EPN2: variants seen among roughly 807,000 people sequenced by gnomAD.
EPN2 encodes epsin 2.
In EPN2, 34 loss-of-function variants were observed where a neutral mutation model predicts 61.7. The ratio of observed to expected loss-of-function variants is 0.55; its 90% CI spans 0.42 to 0.73. The LOEUF is 0.73. Among genes scored for constraint, EPN2 ranks in the 30% least tolerant of loss-of-function variants. EPN2 has a pLI of 0.00. For missense variants in EPN2, 714 were observed against 839.2 expected, an observed-to-expected ratio of 0.85 and a Z score of 1.84; for synonymous variants, 349 against 353.6, an observed-to-expected ratio of 0.99 and a Z score of 0.15.
chr17:19,242,964 G>A (rs112761205), intron 1 of EPN2, among the ~76,000 whole-genome samples: 1 of 152,180 alleles, frequency 6.6e-6, no homozygotes, highest in Non-Finnish European at 1.5e-5. Context: ...GGCTTCAAAG[G>A]CCATGTGGCA....
chr17:19,318,566 A>AAAGAG (rs1187317882), intron 7 of EPN2, among the ~76,000 whole-genome samples: 1 of 148,604 alleles, frequency 6.7e-6, no homozygotes, highest in Non-Finnish European at 1.5e-5. Flanking sequence ...AAAAAAAAAA[A>AAAGAG]AGAGTAGGGG....
chr17:19,328,286 G>C (rs1213053137), intron 7 of EPN2, among the ~76,000 whole-genome samples: 1 of 152,166 alleles, frequency 6.6e-6, no homozygotes, highest in East Asian at 1.9e-4. Context: ...TACAGAGCCT[G>C]GGCCGAGGTG....
intron 4 of EPN2, among the ~76,000 whole-genome samples, chr17:19,286,054 A>G (rs1354095720): frequency 5.9e-5 from 9 of 152,304 alleles, no homozygotes; most frequent in Non-Finnish European, 4.4e-5. Context: ...GCATGGGGTG[A>G]TGGCCCATGC....
chr17:19,259,197 A>G (rs761817394), intron 1 of EPN2, among the ~76,000 whole-genome samples: 1 of 151,924 alleles, frequency 6.6e-6, no homozygotes, highest in Non-Finnish European at 1.5e-5. Context: ...TTTGGAATCC[A>G]TTAGCTTCAG....
In EPN2 at chr17:19,278,304, A is replaced by G. The variant is rs554204945; in HGVS notation, c.-293-3651A>G. Reference sequence around the variant, plus strand: ...GTGAGGTGTATTAGTCTGTTTTCACACTACTGATAAAGACATACCCGAGAC... The same window carrying G: ...GTGAGGTGTATTAGTCTGTTTTCACGCTACTGATAAAGACATACCCGAGAC... On this transcript the variant is annotated intron_variant, in intron 1 of 10. Coordinates refer to ENST00000314728, the MANE Select transcript of EPN2 (RefSeq NM_014964.5). Among the ~76,000 whole-genome samples the G allele has an allele frequency of 4.2e-4, 64 of 152,206 alleles. 2 individuals are homozygous for G. The South Asian group carries it at 0.012, about 29-fold the overall frequency.
rs1021213420 is a variant in EPN2 at position 19,328,740 on chromosome 17, T to G, written c.1177T>G (p.Trp393Gly). 6.2e-7 allele frequency: 1 copy of G among 1,612,360 alleles called. No homozygotes were observed. The highest frequency in any genetic ancestry group is 1.3e-5 in the African/African-American group (1 of 75,014). ...CAAGCCAGCTGCCTCCATTGACCCA[T>G]GGGGGGTGCCCACTGGAGCCACCGT... ...GTKPAASIDP[W>G]GVPTGATVQS... Residue 393 changes from tryptophan (W) to glycine (G), a missense_variant, in exon 8 of 11, where the codon TGG becomes GGG. Trp to Gly is a radical substitution (Grantham distance 184, BLOSUM62 -2). Transcript: ENST00000314728.
chr17:19,326,553 G>C (rs1883995631), intron 7 of EPN2, among the ~76,000 whole-genome samples: 1 of 152,038 alleles, frequency 6.6e-6, no homozygotes, highest in African/African-American at 2.4e-5. Context: ...TGGGTGTGGT[G>C]GTGGGTGCCT....
intron 1 of EPN2, among the ~76,000 whole-genome samples, chr17:19,246,568 G>C (rs755985226): frequency 2.0e-4 from 31 of 152,100 alleles, no homozygotes; most frequent in Non-Finnish European, 3.5e-4. Context: ...CCCTGCACTT[G>C]TGGGAGGCCC....
chr17:19,262,770 A>G (rs1457477383), intron 1 of EPN2, among the ~76,000 whole-genome samples: 2 of 152,222 alleles, frequency 1.3e-5, no homozygotes, highest in African/African-American at 4.8e-5. Flanking sequence ...GCCCCTGGCA[A>G]CTATCAGTCT....
At chr17:19,304,823 C>T (rs1905746661) in intron 4 of EPN2, among the ~76,000 whole-genome samples, 2 of 152,190 alleles carry the variant, frequency 1.3e-5, no homozygotes, top group African/African-American at 4.8e-5. Flanking sequence ...TCTGGTCTTC[C>T]CTTGGCTGAC....
chr17:19,291,881 C>G (rs866549291), intron 4 of EPN2, among the ~76,000 whole-genome samples: 2 of 152,276 alleles, frequency 1.3e-5, no homozygotes, highest in Middle Eastern at 3.4e-3. Flanking sequence ...AAGGGAACCT[C>G]AGGGGTGAAC....
At chr17:19,322,406 A>G (rs919363701) in intron 7 of EPN2, among the ~76,000 whole-genome samples, 1 of 152,180 alleles carries the variant, frequency 6.6e-6, no homozygotes, top group African/African-American at 2.4e-5. Flanking sequence ...TGCTACAGCT[A>G]GCCAGTAGCT....
chr17:19,336,347 G>A lies in EPN2; in HGVS notation c.*2093G>A, dbSNP rs1446000067. 1.3e-5 allele frequency: 2 copies of A among 152,328 alleles called. No individual in the cohort carries two copies. Among genetic ancestry groups the A allele is most frequent in the African/African-American group, 4.8e-5 (2 of 41,456 alleles). 9.4% of individuals were successfully genotyped at this position (152,328 alleles called of 1,614,324 possible). A position where few individuals can be genotyped will look rare whatever the true frequency, so the allele number is the denominator to read the frequency against. ...TGCAGGGCCTGGGCCAGCCTTACAG[G>A]TCAGTAGACTAGACTCGACTACTTG... On this transcript the variant is annotated 3_prime_UTR_variant, in exon 11 of 11. Coordinates refer to ENST00000314728, the MANE Select transcript of EPN2 (RefSeq NM_014964.5).
intron 1 of EPN2, among the ~76,000 whole-genome samples, chr17:19,256,298 T>C (rs773443067): frequency 6.6e-6 from 1 of 150,974 alleles, no homozygotes; most frequent in Non-Finnish European, 1.5e-5. Context: ...TCCAAAATTC[T>C]CCAAAAGCTG....
rs1906452753 is a variant in EPN2 at position 19,317,709 on chromosome 17, C to G, written c.1147+4430C>G. 2.0e-5 allele frequency among the ~76,000 whole-genome samples: 3 copies of G among 152,176 alleles called. No individual in the cohort carries two copies. In the South Asian group the frequency reaches 6.2e-4, roughly 32 times the overall value. ...CTCATTCACTTGAGCTTTCAACAAG[C>G]ATTTATTGATTGGGTATGTGGCATG... On this transcript the variant is annotated intron_variant, in intron 7 of 10. Coordinates refer to ENST00000314728, the MANE Select transcript of EPN2 (RefSeq NM_014964.5).
intron 1 of EPN2, among the ~76,000 whole-genome samples, chr17:19,277,698 G>T (rs985005127): frequency 2.0e-5 from 3 of 152,140 alleles, no homozygotes; most frequent in Non-Finnish European, 2.9e-5. Context: ...ACGCATCATG[G>T]GCTGTCTCAC....
chr17:19,307,999 G>C lies in EPN2; in HGVS notation c.767-1886G>C, dbSNP rs1467763104. On this transcript the variant is annotated intron_variant, in intron 4 of 10. Coordinates refer to ENST00000314728, the MANE Select transcript of EPN2 (RefSeq NM_014964.5). ...GAAAGTAAGGCAGAAGCAACACCTAGGTGAATGAATCCTGCTAGTTAGGTT... is the reference window on the plus strand; with the variant it reads ...GAAAGTAAGGCAGAAGCAACACCTACGTGAATGAATCCTGCTAGTTAGGTT... The C allele has an allele frequency of 9.1e-6, 9 of 985,032 alleles. No individual in the cohort carries two copies. The African/African-American group carries it at 1.4e-4, about 15-fold the overall frequency. The allele number at this position is 985,032 out of a possible 1,614,324, so 61.0% of individuals were successfully genotyped here. A position where few individuals can be genotyped will look rare whatever the true frequency, so the allele number is the denominator to read the frequency against.
Position 19,303,007 on chromosome 17 carries a change from G to A in EPN2, c.767-6878G>A, listed in dbSNP as rs913985510. Among the ~76,000 whole-genome samples, 5 of 152,242 alleles carry A rather than the reference G, an allele frequency of 3.3e-5. No homozygotes were observed. The East Asian group carries it at 5.8e-4, about 18-fold the overall frequency. ...CTGGGCGAGTGTCAGAGACGGAAGC[G>A]CACTACAGGCATCCACACACAGAGT... On this transcript the variant is annotated intron_variant, in intron 4 of 10. Transcript: ENST00000314728.
At chr17:19,277,708 C>T (rs1197870023) in intron 1 of EPN2, among the ~76,000 whole-genome samples, 8 of 152,146 alleles carry the variant, frequency 5.3e-5, no homozygotes, top group Non-Finnish European at 8.8e-5. Context: ...GGCTGTCTCA[C>T]GGTTGGAATA....
Sources: allele counts gnomAD v4.1 joint callset (sites outside exome capture counted in the v4.1 genomes callset), GRCh38; gene constraint gnomAD v4.1.1; transcripts MANE v1.5; gene names NCBI Gene and HGNC (gene_info 2026-07-23, HGNC 2026-07-21).